MOV10L1: variants seen among roughly 807,000 people sequenced by gnomAD.
The protein encoded by MOV10L1 is Mov10 like RNA helicase 1, also known as RNA helicase Mov10l1.
In MOV10L1, 110 loss-of-function variants were observed where a neutral mutation model predicts 143.8. The ratio of observed to expected loss-of-function variants is 0.76; its 90% CI spans 0.66 to 0.90. The LOEUF (loss-of-function observed/expected upper bound fraction) is 0.90, where lower values mean the gene tolerates loss of function less well. MOV10L1 is among the 40% of genes least tolerant of loss of function. The probability of loss-of-function intolerance (pLI) is 0.00; values close to 1 mark genes in which losing one functional copy is unlikely to be tolerated. For missense variants in MOV10L1, 1,406 were observed against 1,526.8 expected, an observed-to-expected ratio of 0.92 and a Z score of 1.32; for synonymous variants, 593 against 581.1, an observed-to-expected ratio of 1.02 and a Z score of -0.29.
intron 17 of MOV10L1, among the ~76,000 whole-genome samples, chr22:50,143,854 G>GT (rs1368535815): frequency 6.6e-6 from 1 of 151,208 alleles, no homozygotes; most frequent in Non-Finnish European, 1.5e-5. Flanking sequence ...ATCTGACTCT[G>GT]TTTCTGCCCT....
intron 2 of MOV10L1, among the ~76,000 whole-genome samples, chr22:50,098,260 T>A (rs1235501353): frequency 1.2e-5 from 1 of 84,196 alleles, no homozygotes; most frequent in Non-Finnish European, 3.2e-5. Flanking sequence ...AAGATTAACA[T>A]CTTAATAATC....
intron 15 of MOV10L1, among the ~76,000 whole-genome samples, chr22:50,138,710 T>C (rs1298848179): frequency 6.6e-6 from 1 of 152,172 alleles, no homozygotes; most frequent in Non-Finnish European, 1.5e-5. Context: ...TTTTGGTGTT[T>C]TGTTTGTTTG....
chr22:50,133,454 TAAAAAAAAAAA>T (rs138255), intron 13 of MOV10L1, among the ~76,000 whole-genome samples: 1 of 127,270 alleles, frequency 7.9e-6, no homozygotes, highest in Non-Finnish European at 1.6e-5. Context: ...GCAGAGTCTC[TAAAAAAAAAAA>T]AAAAAAGAAA....
At chr22:50,143,533 C>T (rs947498192) in intron 17 of MOV10L1, among the ~76,000 whole-genome samples, 2 of 152,204 alleles carry the variant, frequency 1.3e-5, no homozygotes, top group South Asian at 2.1e-4. Context: ...TAGATATCTT[C>T]ATTTGTAATT....
chr22:50,113,555 G>GC, intron 5 of MOV10L1, 93 bp from the exon 6 acceptor site: 1 of 1,500,578 alleles, frequency 6.7e-7, no homozygotes, highest in African/African-American at 1.4e-5. Context: ...TCCTCTGAGT[G>GC]CCCCCACCAG....
intron 2 of MOV10L1, chr22:50,094,308 T>A (rs2062531480): frequency 6.6e-6 from 1 of 152,178 alleles, no homozygotes; most frequent in South Asian, 2.1e-4. Context: ...CTTACTAAAT[T>A]TATTTTCAGG....
rs376428585 is a variant in MOV10L1, at chr22:50,158,042, T to G, written c.3067-15T>G. ...TTCATGAAGTAAAGTAGGTTTTCTC[T>G]CCTCATCAACCCAGGGCAGCGAGGC... On this transcript the variant is annotated splice_polypyrimidine_tract_variant and intron_variant, in intron 22 of 26. Transcript: ENST00000262794. This position sits in a 1 kb window ranked among gnomAD's most constrained non-coding sequence, Gnocchi z 5.0. 3.9e-5 allele frequency: 62 copies of G among 1,605,822 alleles called. No homozygotes were observed. In the African/African-American group the frequency reaches 8.0e-4, roughly 21 times the overall value.
chr22:50,104,375 C>T (rs951714135), intron 3 of MOV10L1, among the ~76,000 whole-genome samples: 1 of 152,316 alleles, frequency 6.6e-6, no homozygotes, highest in Admixed American at 6.5e-5. Flanking sequence ...AAAGCACTAG[C>T]AGAAATTGGC....
At chr22:50,142,917 C>T (rs1208665975) in intron 16 of MOV10L1, 126 bp from the exon 17 acceptor site, 1 of 780,684 alleles carries the variant, frequency 1.3e-6, no homozygotes, top group South Asian at 1.7e-5. Flanking sequence ...TGAAGAGCTA[C>T]TCCCTGTCTG....
intron 20 of MOV10L1, 74 bp downstream of exon 20, chr22:50,149,788 C>T (rs989826765): frequency 1.9e-4 from 260 of 1,375,270 alleles, no homozygotes; most frequent in Non-Finnish European, 2.5e-4. Flanking sequence ...TGCGATCCTG[C>T]CGGGAACAGT....
At chr22:50,143,279 G>T (rs1205625986) in intron 17 of MOV10L1, 58 bp downstream of exon 17, 1 of 1,542,630 alleles carries the variant, frequency 6.5e-7, no homozygotes, top group Non-Finnish European at 8.9e-7. Flanking sequence ...TGTGTCGTCT[G>T]TGTCTTCAGG....
chr22:50,130,936 A>G (rs2062655387), intron 13 of MOV10L1, among the ~76,000 whole-genome samples: 3 of 151,742 alleles, frequency 2.0e-5, no homozygotes, highest in South Asian at 2.1e-4. Context: ...TCGTTCTGTT[A>G]CCCAGGCTGG....
rs532529139 is a variant in MOV10L1 at position 50,139,585 on chromosome 22, A to G, written c.2071-2496A>G. ...AAAAAAAAAAGACACTGGTAAGACAATGAAAAGTGACAGACTAGAGAAAAT... is the reference window on the plus strand; with the variant it reads ...AAAAAAAAAAGACACTGGTAAGACAGTGAAAAGTGACAGACTAGAGAAAAT... On this transcript the variant is annotated intron_variant, in intron 15 of 26. Coordinates refer to ENST00000262794, the MANE Select transcript of MOV10L1 (RefSeq NM_018995.3). Among the ~76,000 whole-genome samples, 7 of 152,276 alleles carry G rather than the reference A, an allele frequency of 4.6e-5. No individual in the cohort carries two copies. The South Asian group carries it at 1.4e-3, about 32-fold the overall frequency.
intron 15 of MOV10L1, among the ~76,000 whole-genome samples, chr22:50,138,189 G>A (rs1403061364): frequency 6.6e-6 from 1 of 152,086 alleles, no homozygotes; most frequent in East Asian, 1.9e-4. Flanking sequence ...ATCAGGATCA[G>A]GGCATGTTTC....
intron 18 of MOV10L1, among the ~76,000 whole-genome samples, chr22:50,145,188 C>T (rs191265258): frequency 4.9e-4 from 75 of 152,282 alleles, no homozygotes; most frequent in African/African-American, 1.7e-3. Flanking sequence ...GTGATCCACC[C>T]GCCTCTGCCT....
rs138143918 is a variant in MOV10L1 at position 50,110,175 on chromosome 22, C to T, written c.743+1331C>T. Among the ~76,000 whole-genome samples, 1,318 of 151,756 alleles carry T rather than the reference C, an allele frequency of 8.7e-3. 21 individuals are homozygous for T. The highest frequency in any genetic ancestry group is 0.031 in the African/African-American group (1,264 of 41,336). On this transcript the variant is annotated intron_variant, in intron 5 of 26. Coordinates refer to ENST00000262794, the MANE Select transcript of MOV10L1 (RefSeq NM_018995.3). ...AAAAAAAGAAGACTGTCTTGCCGGG[C>T]GCGGTGGCTCACGCCCGTAATACCA...
chr22:50,148,141 G>A (rs775699263), intron 19 of MOV10L1, among the ~76,000 whole-genome samples: 23 of 152,354 alleles, frequency 1.5e-4, no homozygotes, highest in Middle Eastern at 6.8e-3. Flanking sequence ...CAGTGAGGAC[G>A]GTGCGGGCCC....
At chr22:50,097,794 C>T (rs890113507) in intron 2 of MOV10L1, among the ~76,000 whole-genome samples, 6 of 152,032 alleles carry the variant, frequency 3.9e-5, no homozygotes, top group Non-Finnish European at 7.4e-5. Flanking sequence ...TAAAAATAGA[C>T]CCATAGGACT....
At chr22:50,121,580 T>C (rs2062345911) in intron 10 of MOV10L1, among the ~76,000 whole-genome samples, 1 of 152,220 alleles carries the variant, frequency 6.6e-6, no homozygotes, top group Admixed American at 6.5e-5. Context: ...TGTGTTTTAC[T>C]CACAGATCCT....
Sources: allele counts gnomAD v4.1 joint callset (sites outside exome capture counted in the v4.1 genomes callset), GRCh38; gene constraint gnomAD v4.1.1; non-coding constraint Gnocchi (gnomAD v3.1); transcripts MANE v1.5; gene names NCBI Gene and HGNC (gene_info 2026-07-23, HGNC 2026-07-21).